Variants in JARID2 observed in about 807,000 individuals in gnomAD.
JARID2 encodes the protein jumonji and AT-rich interaction domain containing 2.
JARID2 carries 21 observed loss-of-function variants against 125.6 expected under a neutral mutation model. The ratio of observed to expected loss-of-function variants is 0.17; its 90% CI spans 0.12 to 0.24. The LOEUF (loss-of-function observed/expected upper bound fraction) is 0.24. Ranked by LOEUF, JARID2 falls within the 10% of genes least tolerant of loss-of-function variation. JARID2 has a pLI of 1.00. For missense variants in JARID2, 1,303 were observed against 1,639.6 expected (o/e 0.79, Z 3.55); for synonymous variants, 736 against 661.6 (o/e 1.11, Z -1.73).
At chr6:15,325,342 C>G (rs887699088) in intron 1 of JARID2, among the ~76,000 whole-genome samples, 2 of 152,128 alleles carry the variant, frequency 1.3e-5, no homozygotes, top group Non-Finnish European at 2.9e-5. Flanking sequence ...ATATTGTAAT[C>G]TATCCTTTTT....
At chr6:15,324,553 C>T (rs536018552) in intron 1 of JARID2, 1 of 152,072 alleles carries the variant, frequency 6.6e-6, no homozygotes, top group Non-Finnish European at 1.5e-5. Context: ...TCACTGCAAT[C>T]TCCGCCTCCG....
chr6:15,278,517 C>T (rs1452761851), intron 1 of JARID2, among the ~76,000 whole-genome samples: 3 of 150,752 alleles, frequency 2.0e-5, no homozygotes, highest in African/African-American at 7.3e-5. Flanking sequence ...ACCCGGGAGG[C>T]GGAGCTTGCA....
chr6:15,440,496 T>C (rs904812747), intron 3 of JARID2, among the ~76,000 whole-genome samples: 6 of 152,334 alleles, frequency 3.9e-5, no homozygotes, highest in African/African-American at 1.2e-4. Flanking sequence ...GCCTGAAATA[T>C]GGTACCATGT....
intron 1 of JARID2, among the ~76,000 whole-genome samples, chr6:15,340,830 GGCC>G (rs1763044088): frequency 6.6e-6 from 1 of 152,126 alleles, no homozygotes; most frequent in African/African-American, 2.4e-5. Context: ...ACACTCAGTT[GGCC>G]TTATGACCTA....
At chr6:15,382,296 G>A (rs917623332) in intron 2 of JARID2, among the ~76,000 whole-genome samples, 3 of 152,120 alleles carry the variant, frequency 2.0e-5, no homozygotes, top group African/African-American at 7.2e-5. Flanking sequence ...CGAGTGTATG[G>A]GTGAGTGCAG....
chr6:15,475,170 T>G (rs953962185), intron 5 of JARID2, among the ~76,000 whole-genome samples: 2 of 152,244 alleles, frequency 1.3e-5, no homozygotes, highest in African/African-American at 2.4e-5. Flanking sequence ...TATAATGGGA[T>G]TTCATTATGA....
At chr6:15,268,132 T>C (rs1561757742) in intron 1 of JARID2, among the ~76,000 whole-genome samples, 1 of 152,138 alleles carries the variant, frequency 6.6e-6, no homozygotes, top group African/African-American at 2.4e-5. Context: ...TCACTTAATA[T>C]GGAAATTTAA....
intron 1 of JARID2, among the ~76,000 whole-genome samples, chr6:15,313,559 G>T (rs920598328): frequency 4.6e-5 from 7 of 152,156 alleles, no homozygotes; most frequent in Non-Finnish European, 7.3e-5. Context: ...TCACATCTAC[G>T]CAGGCTGTTG....
At chr6:15,307,265 C>T (rs1761864709) in intron 1 of JARID2, among the ~76,000 whole-genome samples, 1 of 151,846 alleles carries the variant, frequency 6.6e-6, no homozygotes, top group Admixed American at 6.6e-5. Context: ...ACATTTTTTC[C>T]TGTTGCCCAG....
chr6:15,486,194 C>G lies in JARID2; in HGVS notation c.671-1113C>G, dbSNP rs111363928. On this transcript the variant is annotated intron_variant, in intron 5 of 17. Coordinates refer to ENST00000341776, the MANE Select transcript of JARID2 (RefSeq NM_004973.4). The stretch of plus-strand genomic sequence containing the variant: ...TTCCTCCTTCCCTGAAGAAACAGGC[C>G]CTGTTTGGACTGTTTGTGGGGAGAC... Among the ~76,000 whole-genome samples the G allele has an allele frequency of 8.3e-4, 126 of 152,306 alleles. 1 individual carries two copies. The highest frequency in any genetic ancestry group is 1.4e-3 in the Non-Finnish European group (93 of 68,030).
Position 15,461,316 on chromosome 6 carries a change from G to C in JARID2, c.494-7226G>C, listed in dbSNP as rs115660830. ...ATAACCATTGTATTCTCCTTGTGAA[G>C]TCCCACATGTTAATTGCACTTGCAG... On this transcript the variant is annotated intron_variant, in intron 4 of 17. Coordinates refer to ENST00000341776, the MANE Select transcript of JARID2 (RefSeq NM_004973.4). 6.4e-3 allele frequency among the ~76,000 whole-genome samples: 969 copies of C among 152,324 alleles called. 14 individuals are homozygous for C. The highest frequency in any genetic ancestry group is 0.022 in the African/African-American group (907 of 41,564).
intron 1 of JARID2, among the ~76,000 whole-genome samples, chr6:15,262,985 G>C (rs1016120141): frequency 5.9e-5 from 9 of 152,146 alleles, no homozygotes; most frequent in Non-Finnish European, 1.0e-4. Context: ...TTCAGTTCAT[G>C]CCTCTGAAGT....
chr6:15,418,903 G>A (rs1304126677), intron 3 of JARID2, among the ~76,000 whole-genome samples: 5 of 152,042 alleles, frequency 3.3e-5, no homozygotes, highest in Non-Finnish European at 7.4e-5. Context: ...TATTCTTTTT[G>A]GTCTGAGTTA....
Position 15,362,132 on chromosome 6 carries a change from GC to G in JARID2, c.46-11977del, listed in dbSNP as rs375583648. 3.7e-3 allele frequency among the ~76,000 whole-genome samples: 557 copies of G among 150,352 alleles called. 7 individuals carry two copies. The highest frequency in any genetic ancestry group is 0.012 in the African/African-American group (509 of 40,766). ...GAACTCTTGACCTCAGGTGATCTGC[GC>G]CCCCCCCGCCTCCCAAAGTGCTGGA... On this transcript the variant is annotated intron_variant, in intron 1 of 17. Coordinates refer to ENST00000341776, the MANE Select transcript of JARID2 (RefSeq NM_004973.4).
At chr6:15,292,761 G>A (rs983314066) in intron 1 of JARID2, among the ~76,000 whole-genome samples, 2 of 152,146 alleles carry the variant, frequency 1.3e-5, no homozygotes, top group African/African-American at 2.4e-5. Flanking sequence ...TTTGCTTCCC[G>A]GGGTTAAGTG....
intron 5 of JARID2, among the ~76,000 whole-genome samples, chr6:15,481,793 T>A (rs1769628917): frequency 6.6e-6 from 1 of 152,220 alleles, no homozygotes; most frequent in African/African-American, 2.4e-5. Context: ...ATTCAGTTTT[T>A]AATTTCCGTA....
At chr6:15,429,430 A>G (rs1392125452) in intron 3 of JARID2, among the ~76,000 whole-genome samples, 1 of 151,956 alleles carries the variant, frequency 6.6e-6, no homozygotes, top group African/African-American at 2.4e-5. Context: ...CATGCCTGGC[A>G]TACATTTTCA....
chr6:15,494,306 T>C (rs886668470), intron 6 of JARID2, among the ~76,000 whole-genome samples: 1 of 151,740 alleles, frequency 6.6e-6, no homozygotes, highest in African/African-American at 2.4e-5. Flanking sequence ...CTCAGTCCCA[T>C]CCCAGACCCT....
intron 3 of JARID2, among the ~76,000 whole-genome samples, chr6:15,435,351 C>T (rs1161342545): frequency 1.3e-5 from 2 of 152,166 alleles, no homozygotes; most frequent in Non-Finnish European, 2.9e-5. Flanking sequence ...TCCAAATCCT[C>T]GTGAGGGCCG....
Sources: gnomAD v4.1 joint callset for allele counts (sites outside exome capture counted in the v4.1 genomes callset) on GRCh38, gnomAD v4.1.1 for gene constraint, MANE v1.5 for transcripts, NCBI Gene and HGNC (gene_info 2026-07-23, HGNC 2026-07-21) for gene names.